SUV39H2: variants seen among roughly 807,000 people sequenced by gnomAD.
SUV39H2 encodes the protein SUV39H2 histone lysine methyltransferase.
SUV39H2 carries 10 observed loss-of-function variants against 47.5 expected under a neutral mutation model. The observed-to-expected ratio is 0.21, with a 90% confidence interval of 0.13 to 0.36. SUV39H2 has a LOEUF of 0.36. Ranked by LOEUF, SUV39H2 falls within the 10% of genes least tolerant of loss-of-function variation. The probability of loss-of-function intolerance (pLI) is 1.00; values close to 1 mark genes in which losing one functional copy is unlikely to be tolerated. For synonymous variants in SUV39H2, 159 were observed against 166.8 expected, an observed-to-expected ratio of 0.95 and a Z score of 0.36; for missense variants, 266 against 487.4, an observed-to-expected ratio of 0.55 and a Z score of 4.28.
At position 14,881,534 on chromosome 10, in the gene SUV39H2, T is replaced by C. The variant is rs1289588946; in HGVS notation, c.66T>C (p.Thr22=). Residue 22 remains threonine, a synonymous_variant, in exon 2 of 6, where the codon ACT becomes ACC. Coordinates refer to ENST00000354919, the MANE Select transcript of SUV39H2 (RefSeq NM_001193424.2). The part of the protein sequence containing the change: ...WCVPCLVSLD[T]LQELCRKEKL... ...TGCCTTGCCTAGTTTCACTTGATACTCTTCAGGAATTATGTAGAAAAGAAA... is the reference window on the plus strand; with the variant it reads ...TGCCTTGCCTAGTTTCACTTGATACCCTTCAGGAATTATGTAGAAAAGAAA... 6.3e-7 allele frequency: 1 copy of C among 1,596,962 alleles called. No individual in the cohort carries two copies. Among genetic ancestry groups the C allele is most frequent in the Admixed American group, 1.8e-5 (1 of 56,692 alleles).
intron 1 of SUV39H2, among the ~76,000 whole-genome samples, chr10:14,880,479 T>C (rs1410074158): frequency 6.6e-6 from 1 of 152,226 alleles, no homozygotes; most frequent in Non-Finnish European, 1.5e-5. Context: ...TCCATTTTTT[T>C]CCAGTGAATC....
intron 3 of SUV39H2, chr10:14,898,540 G>T (rs1030646095): frequency 5.9e-5 from 9 of 151,880 alleles, no homozygotes; most frequent in Non-Finnish European, 1.2e-4. Context: ...TTTAGACAGT[G>T]GTAGATTATT....
At chr10:14,890,543 C>T (rs1833355603) in intron 2 of SUV39H2, among the ~76,000 whole-genome samples, 2 of 152,196 alleles carry the variant, frequency 1.3e-5, no homozygotes, top group Non-Finnish European at 2.9e-5. Context: ...CAGGCATGTG[C>T]CACCACATGC....
chr10:14,894,224 T>A (rs75382494), intron 2 of SUV39H2, among the ~76,000 whole-genome samples: 2 of 128,192 alleles, frequency 1.6e-5, no homozygotes, highest in Admixed American at 1.5e-4. Context: ...ACATCTAGGC[T>A]TTTTTTTTTT....
At chr10:14,898,695 C>T (rs7907802) in intron 3 of SUV39H2, 40,063 of 152,086 alleles carry the variant, frequency 0.26, 7,321 homozygotes, top group African/African-American at 0.5. Context: ...TTTCTTAAGC[C>T]GAGCGTGTCA....
Position 14,899,692 on chromosome 10 carries a change from A to C in SUV39H2, c.996+7A>C. 6.2e-7 allele frequency: 1 copy of C among 1,613,030 alleles called. No homozygotes were observed. The highest frequency in any genetic ancestry group is 8.5e-7 in the Non-Finnish European group (1 of 1,179,556). On this transcript the variant is annotated splice_region_variant and intron_variant, in intron 4 of 5. Transcript: ENST00000354919. Reference sequence around the variant, plus strand: ...TCATTTTGTGAATCACAGCGTAAGAAGACATACGTAAATTTTAGACACGAC... The same window carrying C: ...TCATTTTGTGAATCACAGCGTAAGACGACATACGTAAATTTTAGACACGAC...
chr10:14,896,232 C>T (rs1833599745), intron 2 of SUV39H2, among the ~76,000 whole-genome samples: 4 of 152,172 alleles, frequency 2.6e-5, no homozygotes, highest in East Asian at 1.9e-4. Flanking sequence ...CATGAGCCAC[C>T]GTGCCCAGCC....
intron 2 of SUV39H2, among the ~76,000 whole-genome samples, chr10:14,890,615 C>T (rs1055085792): frequency 2.0e-5 from 3 of 152,210 alleles, no homozygotes; most frequent in Non-Finnish European, 1.5e-5. Flanking sequence ...CTCCTGGGCT[C>T]AAGCAATCCT....
At chr10:14,888,209 A>G (rs1833274354) in intron 2 of SUV39H2, among the ~76,000 whole-genome samples, 1 of 152,194 alleles carries the variant, frequency 6.6e-6, no homozygotes, top group African/African-American at 2.4e-5. Context: ...GCAAGAGGCG[A>G]TTGCAGTAGC....
intron 4 of SUV39H2, among the ~76,000 whole-genome samples, 184 bp downstream of exon 4, chr10:14,899,869 G>C (rs1464810543): frequency 2.6e-5 from 4 of 152,206 alleles, no homozygotes; most frequent in Non-Finnish European, 2.9e-5. Context: ...ATTAAACATT[G>C]AGGTGCCTAC....
At chr10:14,879,060 G>T (rs1293953738) in intron 1 of SUV39H2, 141 bp downstream of exon 1, 6 of 1,310,244 alleles carry the variant, frequency 4.6e-6, no homozygotes, top group African/African-American at 1.6e-5. Context: ...CGGGACGCAC[G>T]CTGCGGACGC....
At chr10:14,879,249 C>G (rs1832967360) in intron 1 of SUV39H2, 1 of 569,518 alleles carries the variant, frequency 1.8e-6, no homozygotes, top group Non-Finnish European at 2.4e-6. Flanking sequence ...CCCGGCAGTC[C>G]CCGGTTGGAG....
chr10:14,881,177 T>G (rs1316988643), intron 1 of SUV39H2, among the ~76,000 whole-genome samples: 3 of 152,190 alleles, frequency 2.0e-5, no homozygotes, highest in East Asian at 3.8e-4. Flanking sequence ...TGAAAAACAT[T>G]ATCTCTGTTG....
chr10:14,878,922 G>A lies in SUV39H2; in HGVS notation c.31+3G>A. 1 of 1,474,198 alleles carries A rather than the reference G, an allele frequency of 6.8e-7. No homozygotes were observed. 91.3% of individuals were successfully genotyped at this position (1,474,198 alleles called of 1,614,324 possible). On this transcript the variant is annotated splice_donor_region_variant and intron_variant, in intron 1 of 5. Transcript: ENST00000354919. Reference sequence around the variant, plus strand: ...GGTCGGGGCCGAGGCGCGAGGAGGTGAGGCTGGAGCGCGGCCCCCTCGCCT... The same window carrying A: ...GGTCGGGGCCGAGGCGCGAGGAGGTAAGGCTGGAGCGCGGCCCCCTCGCCT...
intron 2 of SUV39H2, among the ~76,000 whole-genome samples, chr10:14,890,056 C>T (rs902341584): frequency 1.3e-5 from 2 of 152,246 alleles, no homozygotes; most frequent in East Asian, 1.9e-4. Flanking sequence ...TTTTGTGTTT[C>T]GAGAACCACC....
At chr10:14,886,436 C>T (rs183514712) in intron 2 of SUV39H2, among the ~76,000 whole-genome samples, 3 of 152,216 alleles carry the variant, frequency 2.0e-5, no homozygotes, top group Non-Finnish European at 4.4e-5. Flanking sequence ...TATATCAGAT[C>T]TTCCCTGCCA....
chr10:14,891,243 G>C (rs1234624530), intron 2 of SUV39H2, among the ~76,000 whole-genome samples: 2 of 152,116 alleles, frequency 1.3e-5, no homozygotes, highest in Non-Finnish European at 2.9e-5. Flanking sequence ...AAAGCAGCAG[G>C]GGCATCAAAA....
intron 2 of SUV39H2, among the ~76,000 whole-genome samples, chr10:14,884,394 G>T (rs547321818): frequency 2.0e-5 from 3 of 152,294 alleles, no homozygotes; most frequent in Admixed American, 6.5e-5. Context: ...TCTCATTGTG[G>T]TTTTGATTTG....
chr10:14,891,034 C>G (rs114403924), intron 2 of SUV39H2, among the ~76,000 whole-genome samples: 31 of 152,268 alleles, frequency 2.0e-4, no homozygotes, highest in African/African-American at 7.0e-4. Context: ...AAATAAGATT[C>G]CATCCCTTCC....
Sources: allele counts gnomAD v4.1 joint callset (sites outside exome capture counted in the v4.1 genomes callset), GRCh38; gene constraint gnomAD v4.1.1; transcripts MANE v1.5; gene names NCBI Gene and HGNC (gene_info 2026-07-23, HGNC 2026-07-21).